The following CFAP299 variants were observed in gnomAD, a reference collection of about 807,000 sequenced individuals.
The protein encoded by CFAP299 is cilia and flagella associated protein 299.
CFAP299 carries 21 observed loss-of-function variants against 27.0 expected under a neutral mutation model. That is an observed-to-expected ratio of 0.78 (90% confidence interval 0.55 to 1.12). CFAP299 has a LOEUF of 1.12. Ranked by LOEUF, CFAP299 falls within the 50% of genes most tolerant of loss-of-function variation. The probability of loss-of-function intolerance (pLI) is 0.00; values close to 1 mark genes in which losing one functional copy is unlikely to be tolerated. For missense variants in CFAP299, 310 were observed against 276.6 expected (o/e 1.12, Z -0.86); for synonymous variants, 104 against 98.1 (o/e 1.06, Z -0.36).
In CFAP299 at chr4:80,386,690, G is replaced by A. The variant is rs573298529; in HGVS notation, c.242+23806G>A. On this transcript the variant is annotated intron_variant, in intron 2 of 5. Transcript: ENST00000358105. ...GGCGAGGTGGGCACGGCGGCTGAAG[G>A]ACCTGCTGCACAGGGCGCATTTGTG... The A allele has an allele frequency of 1.9e-6, 3 of 1,577,722 alleles. No homozygotes were observed. The South Asian group carries it at 3.4e-5, about 18-fold the overall frequency.
intron 2 of CFAP299, among the ~76,000 whole-genome samples, chr4:80,521,832 T>C (rs932065875): frequency 6.6e-6 from 1 of 151,898 alleles, no homozygotes; most frequent in South Asian, 2.1e-4. Flanking sequence ...CCATTGTAGG[T>C]ATATATCACT....
chr4:80,779,324 T>C (rs914610561), intron 3 of CFAP299, among the ~76,000 whole-genome samples: 5 of 152,050 alleles, frequency 3.3e-5, no homozygotes, highest in African/African-American at 1.2e-4. Flanking sequence ...CTCAGTATAT[T>C]ATCTAATTCT....
rs1000349260 is a variant in CFAP299, at chr4:80,588,482, ATATGAAAATTTAATGACATCTTTAGTGT to A, written c.333+5302_333+5329del. Reference sequence around the variant, plus strand: ...ATTTAGGTATTTAATCAATCATTTTATATGAAAATTTAATGACATCTTTAGTGTTACATACCTGACATGAAACATAGCC... The same window carrying A: ...ATTTAGGTATTTAATCAATCATTTTATACATACCTGACATGAAACATAGCC... On this transcript the variant is annotated intron_variant, in intron 3 of 5. Coordinates refer to ENST00000358105, the MANE Select transcript of CFAP299 (RefSeq NM_152770.3). 4.6e-5 allele frequency among the ~76,000 whole-genome samples: 7 copies of A among 151,058 alleles called. 2 individuals carry two copies. Among genetic ancestry groups the A allele is most frequent in the African/African-American group, 1.7e-4 (7 of 40,342 alleles).
intron 3 of CFAP299, among the ~76,000 whole-genome samples, chr4:80,755,294 C>G (rs781670261): frequency 6.6e-6 from 1 of 151,528 alleles, no homozygotes; most frequent in Admixed American, 6.6e-5. Flanking sequence ...GTTCTAACAA[C>G]AGCAACAAAA....
At chr4:80,603,478 G>A (rs2109904749) in intron 3 of CFAP299, among the ~76,000 whole-genome samples, 1 of 152,186 alleles carries the variant, frequency 6.6e-6, no homozygotes, top group South Asian at 2.1e-4. Flanking sequence ...AGCTATCGCT[G>A]AGTGCTGAGA....
Position 80,823,916 on chromosome 4 carries a change from GT to G in CFAP299, c.334-46074del, listed in dbSNP as rs564561859. ...GATTCTATGAACCTGCTGTGTAAGG[GT>G]TTGCTATAATTTTTTTAATGTTTCA... On this transcript the variant is annotated intron_variant, in intron 3 of 5. Coordinates refer to ENST00000358105, the MANE Select transcript of CFAP299 (RefSeq NM_152770.3). Among the ~76,000 whole-genome samples the G allele has an allele frequency of 1.3e-3, 199 of 152,118 alleles. 2 individuals carry two copies. Among genetic ancestry groups the G allele is most frequent in the African/African-American group, 4.6e-3 (191 of 41,502 alleles).
At chr4:80,950,158 G>T (rs1220970625) in intron 5 of CFAP299, among the ~76,000 whole-genome samples, 3 of 152,100 alleles carry the variant, frequency 2.0e-5, no homozygotes, top group Admixed American at 1.3e-4. Flanking sequence ...GAAAGAACAT[G>T]TGTGTGTGAG....
chr4:80,556,865 C>G (rs943315330), intron 2 of CFAP299, among the ~76,000 whole-genome samples: 2 of 152,048 alleles, frequency 1.3e-5, no homozygotes, highest in Non-Finnish European at 2.9e-5. Context: ...TCTCTTCCCC[C>G]TCCATTTTCT....
intron 3 of CFAP299, among the ~76,000 whole-genome samples, chr4:80,637,899 T>A (rs570189423): frequency 3.8e-4 from 58 of 152,358 alleles, no homozygotes; most frequent in Non-Finnish European, 7.6e-4. Flanking sequence ...AATCTCTGTA[T>A]TTCTTTTGTC....
intron 2 of CFAP299, among the ~76,000 whole-genome samples, chr4:80,390,771 ATATATACATAT>A (rs1725379215): frequency 6.9e-6 from 1 of 145,874 alleles, no homozygotes; most frequent in African/African-American, 2.5e-5. Flanking sequence ...GTATATATGT[ATATATACATAT>A]ACACATATAT....
At chr4:80,820,741 G>A (rs911157549) in intron 3 of CFAP299, among the ~76,000 whole-genome samples, 1 of 152,104 alleles carries the variant, frequency 6.6e-6, no homozygotes, top group African/African-American at 2.4e-5. Flanking sequence ...CTTTGCGTCC[G>A]CATTTCCTCG....
intron 3 of CFAP299, among the ~76,000 whole-genome samples, chr4:80,815,927 A>G (rs568372935): frequency 1.1e-4 from 16 of 152,124 alleles, no homozygotes; most frequent in African/African-American, 3.8e-4. Flanking sequence ...TAATTTTTTG[A>G]AATAAAATAT....
At chr4:80,672,288 T>C (rs1313187780) in intron 3 of CFAP299, among the ~76,000 whole-genome samples, 2 of 152,172 alleles carry the variant, frequency 1.3e-5, no homozygotes, top group African/African-American at 4.8e-5. Context: ...TTGGTTCTGT[T>C]TATGTGATGG....
chr4:80,922,007 A>G (rs910345078), intron 4 of CFAP299, among the ~76,000 whole-genome samples: 1 of 152,052 alleles, frequency 6.6e-6, no homozygotes, highest in Non-Finnish European at 1.5e-5. Flanking sequence ...TCAAGGACTC[A>G]GTTCTGTATA....
intron 4 of CFAP299, among the ~76,000 whole-genome samples, chr4:80,900,873 A>T (rs1391624768): frequency 6.6e-6 from 1 of 151,980 alleles, no homozygotes; most frequent in Non-Finnish European, 1.5e-5. Flanking sequence ...AATTAATAAT[A>T]ATATATACCT....
At chr4:80,860,624 A>T (rs1469154062) in intron 3 of CFAP299, among the ~76,000 whole-genome samples, 2 of 152,122 alleles carry the variant, frequency 1.3e-5, no homozygotes, top group African/African-American at 4.8e-5. Context: ...TTTCCTTCTA[A>T]CAGACAGAAC....
intron 2 of CFAP299, among the ~76,000 whole-genome samples, chr4:80,377,973 A>C (rs528691123): frequency 3.3e-5 from 5 of 152,278 alleles, no homozygotes; most frequent in Non-Finnish European, 5.9e-5. Flanking sequence ...AACCCAACAG[A>C]TCTGATGAGA....
At chr4:80,870,822 C>T (rs1234267678) in intron 4 of CFAP299, 1 of 984,916 alleles carries the variant, frequency 1.0e-6, no homozygotes, top group Non-Finnish European at 1.2e-6. Flanking sequence ...ATGATTATAA[C>T]AATACCTACC....
chr4:80,880,919 T>G (rs1016232259), intron 4 of CFAP299, among the ~76,000 whole-genome samples: 1 of 152,210 alleles, frequency 6.6e-6, no homozygotes, highest in Non-Finnish European at 1.5e-5. Flanking sequence ...CCTAGCCTCC[T>G]GCCTTTGCAG....
Sources: allele counts gnomAD v4.1 joint callset (sites outside exome capture counted in the v4.1 genomes callset), GRCh38; gene constraint gnomAD v4.1.1; transcripts MANE v1.5; gene names NCBI Gene and HGNC (gene_info 2026-07-23, HGNC 2026-07-21).